GLI3: variants seen among roughly 807,000 people sequenced by gnomAD.
The protein encoded by GLI3 is transcription activator GLI3.
A neutral mutation model predicts 100.8 loss-of-function variants in GLI3; 20 were observed. That is an observed-to-expected ratio of 0.20 (90% confidence interval 0.14 to 0.29). The LOEUF is 0.29. GLI3 is among the 10% of genes least tolerant of loss of function. The pLI is 1.00. For synonymous variants in GLI3, 938 were observed against 860.5 expected, an observed-to-expected ratio of 1.09 and a Z score of -1.58; for missense variants, 2,040 against 2,128.5, an observed-to-expected ratio of 0.96 and a Z score of 0.82.
chr7:42,221,612 GATGTTCC>G (rs1246650488), intron 2 of GLI3, among the ~76,000 whole-genome samples: 1 of 152,058 alleles, frequency 6.6e-6, no homozygotes, highest in Non-Finnish European at 1.5e-5. Flanking sequence ...ACCAAAAGCT[GATGTTCC>G]TGAAGCCAAG....
At chr7:42,130,527 A>C (rs532665157) in intron 3 of GLI3, among the ~76,000 whole-genome samples, 1 of 152,208 alleles carries the variant, frequency 6.6e-6, no homozygotes, top group Admixed American at 6.5e-5. Flanking sequence ...GCAAAAAGTT[A>C]AAAATAATGT....
intron 14 of GLI3, 69 bp downstream of exon 14, chr7:41,967,527 T>G (rs925353098): frequency 9.5e-7 from 1 of 1,057,752 alleles, no homozygotes; most frequent in African/African-American, 1.6e-5. Context: ...AACATAAAAC[T>G]GAGGGCCTGC....
intron 2 of GLI3, among the ~76,000 whole-genome samples, chr7:42,178,228 G>A (rs932227885): frequency 1.3e-5 from 2 of 152,178 alleles, no homozygotes; most frequent in East Asian, 3.9e-4. Context: ...AGGACAAAAT[G>A]TGCATCACCT....
In GLI3 at chr7:41,963,686, C is replaced by T. The variant is rs1187813212; in HGVS notation, c.*644G>A. 6.6e-6 allele frequency: 1 copy of T among 152,446 alleles called. No homozygotes were observed. Among genetic ancestry groups the T allele is most frequent in the South Asian group, 2.1e-4 (1 of 4,842 alleles). 9.4% of individuals were successfully genotyped at this position (152,446 alleles called of 1,614,324 possible). A position where few individuals can be genotyped will look rare whatever the true frequency, so the allele number is the denominator to read the frequency against. Reference sequence around the variant, plus strand: ...GCCCATTTCATTTATAAGAGCCCCACGTTCCCATTTCTGTTTAACTGTGGA... The same window carrying T: ...GCCCATTTCATTTATAAGAGCCCCATGTTCCCATTTCTGTTTAACTGTGGA... On this transcript the variant is annotated 3_prime_UTR_variant, in exon 15 of 15. Coordinates refer to ENST00000395925, the MANE Select transcript of GLI3 (RefSeq NM_000168.6).
At chr7:42,139,862 G>C (rs185358552) in intron 3 of GLI3, among the ~76,000 whole-genome samples, 226 of 152,320 alleles carry the variant, frequency 1.5e-3, no homozygotes, top group Non-Finnish European at 2.7e-3. Flanking sequence ...TTCTGGGTAA[G>C]TGATTGGGAA....
chr7:42,246,807 T>TTTTTC (rs1788980873), intron 1 of GLI3, among the ~76,000 whole-genome samples: 1 of 34,834 alleles, frequency 2.9e-5, no homozygotes, highest in Non-Finnish European at 5.2e-5. Context: ...GATAGAATCT[T>TTTTTC]TTTTTTTTTT....
intron 3 of GLI3, among the ~76,000 whole-genome samples, chr7:42,140,623 T>C (rs997059538): frequency 6.6e-6 from 1 of 151,990 alleles, no homozygotes; most frequent in Non-Finnish European, 1.5e-5. Context: ...AAGAGAGCAA[T>C]AAAATGCCAG....
chr7:42,062,332 G>C (rs563889622), intron 4 of GLI3, among the ~76,000 whole-genome samples: 2 of 152,272 alleles, frequency 1.3e-5, no homozygotes, highest in African/African-American at 2.4e-5. Flanking sequence ...CCCATCACTT[G>C]AGTATCCTAC....
chr7:42,251,613 G>T (rs1011259600), intron 1 of GLI3, among the ~76,000 whole-genome samples: 2 of 152,114 alleles, frequency 1.3e-5, no homozygotes, highest in African/African-American at 4.8e-5. Context: ...GAGGGAGAGG[G>T]AGAGAAGAGC....
chr7:42,048,326 A>G (rs1459167306), intron 5 of GLI3, among the ~76,000 whole-genome samples, 165 bp downstream of exon 5: 1 of 151,762 alleles, frequency 6.6e-6, no homozygotes, highest in Admixed American at 6.5e-5. Context: ...ACTGCCAATG[A>G]GGTGTTACAA....
At chr7:42,005,705 G>A (rs1033067372) in intron 10 of GLI3, among the ~76,000 whole-genome samples, 1 of 152,134 alleles carries the variant, frequency 6.6e-6, no homozygotes, top group African/African-American at 2.4e-5. Context: ...GCCCGACGTG[G>A]GAAGGGAGGG....
Position 42,045,553 on chromosome 7 carries a change from T to C in GLI3, c.680-23A>G, listed in dbSNP as rs866416645. On this transcript the variant is annotated intron_variant, in intron 5 of 14. Coordinates refer to ENST00000395925, the MANE Select transcript of GLI3 (RefSeq NM_000168.6). ...GCGCTAGGAGGAGACAAGAGATGTA[T>C]GGTTACTAGCGAAAGAAGGTCAACT... The C allele has an allele frequency of 4.3e-6, 7 of 1,612,784 alleles. No individual in the cohort carries two copies. In the Middle Eastern group the frequency reaches 1.2e-3, roughly 267 times the overall value.
At chr7:42,010,679 TGAGATA>T (rs1788587758) in intron 10 of GLI3, among the ~76,000 whole-genome samples, 1 of 152,114 alleles carries the variant, frequency 6.6e-6, no homozygotes, top group Non-Finnish European at 1.5e-5. Flanking sequence ...GGGTGAAGTG[TGAGATA>T]ATAAAATGCA....
chr7:42,153,337 C>T (rs990381377), intron 2 of GLI3, among the ~76,000 whole-genome samples: 3 of 152,112 alleles, frequency 2.0e-5, no homozygotes, highest in Non-Finnish European at 2.9e-5. Flanking sequence ...ATCCCTTAAC[C>T]GGCCTGCACT....
At chr7:42,044,284 C>A (rs1049984638) in intron 6 of GLI3, among the ~76,000 whole-genome samples, 6 of 152,220 alleles carry the variant, frequency 3.9e-5, no homozygotes, top group Non-Finnish European at 8.8e-5. Context: ...TACTCAAAGT[C>A]ATACTGTTGT....
chr7:42,136,129 C>G (rs917356733), intron 3 of GLI3, among the ~76,000 whole-genome samples: 1 of 152,146 alleles, frequency 6.6e-6, no homozygotes, highest in Non-Finnish European at 1.5e-5. Flanking sequence ...TGTGAAAGCT[C>G]CAGTTATTAT....
At chr7:42,201,465 G>T (rs1284126165) in intron 2 of GLI3, among the ~76,000 whole-genome samples, 2 of 152,220 alleles carry the variant, frequency 1.3e-5, no homozygotes, top group Non-Finnish European at 2.9e-5. Flanking sequence ...CACAAATCAT[G>T]ATATAGAATA....
At chr7:42,023,699 A>AATCTAAATTGGGTT in intron 9 of GLI3, 91 bp from the exon 10 acceptor site, 1 of 1,229,182 alleles carries the variant, frequency 8.1e-7, no homozygotes, top group Non-Finnish European at 1.2e-6. Flanking sequence ...TAAAAACCCA[A>AATCTAAATTGGGTT]TTTAGATTTG....
intron 4 of GLI3, among the ~76,000 whole-genome samples, chr7:42,049,458 C>T (rs926337921): frequency 5.9e-5 from 9 of 152,198 alleles, no homozygotes; most frequent in Admixed American, 3.3e-4. Context: ...CGATGAGCCA[C>T]GTTCAGTGAG....
Sources: allele counts gnomAD v4.1 joint callset (sites outside exome capture counted in the v4.1 genomes callset), GRCh38; gene constraint gnomAD v4.1.1; transcripts MANE v1.5; gene names NCBI Gene and HGNC (gene_info 2026-07-23, HGNC 2026-07-21).